The following EPHB1 variants were observed in gnomAD, a reference collection of about 807,000 sequenced individuals.
EPHB1 encodes the protein EPH receptor B1, also known as ephrin type-B receptor 1.
EPHB1 carries 30 observed loss-of-function variants against 94.4 expected under a neutral mutation model. The ratio of observed to expected loss-of-function variants is 0.32; its 90% CI spans 0.24 to 0.43. EPHB1 has a LOEUF of 0.43. Ranked by LOEUF, EPHB1 falls within the 20% of genes least tolerant of loss-of-function variation. The pLI is 1.00. For missense variants in EPHB1, 1,055 were observed against 1,308.3 expected (o/e 0.81, Z 2.99); for synonymous variants, 522 against 489.1 (o/e 1.07, Z -0.89).
At chr3:134,977,077 T>A (rs569643693) in intron 3 of EPHB1, among the ~76,000 whole-genome samples, 2 of 152,358 alleles carry the variant, frequency 1.3e-5, no homozygotes, top group Admixed American at 6.5e-5. Context: ...AGCTTCTCCA[T>A]CTGCATTTTC....
chr3:135,179,360 A>G (rs1055203713), intron 9 of EPHB1, among the ~76,000 whole-genome samples: 1 of 151,956 alleles, frequency 6.6e-6, no homozygotes, highest in Non-Finnish European at 1.5e-5. Context: ...TCTAACAGCA[A>G]TTTCTCTCTT....
chr3:135,103,586 A>C (rs959693438), intron 3 of EPHB1, among the ~76,000 whole-genome samples: 1 of 152,260 alleles, frequency 6.6e-6, no homozygotes, highest in Non-Finnish European at 1.5e-5. Context: ...TGAGAAATTT[A>C]CAGTTCTTTT....
Position 135,204,578 on chromosome 3 carries a change from G to T in EPHB1, c.2346+2889G>T, listed in dbSNP as rs377481597. On this transcript the variant is annotated intron_variant, in intron 12 of 15. Transcript: ENST00000398015. The stretch of plus-strand genomic sequence containing the variant: ...GGCAGTGGTGCGATCTCGGCTCATT[G>T]CAGCTTCCGCCTCCTGGGTTCAAGC... Among the ~76,000 whole-genome samples, 178 of 152,106 alleles carry T rather than the reference G, an allele frequency of 1.2e-3. 8 individuals are homozygous for T. In the South Asian group the frequency reaches 0.032, roughly 28 times the overall value.
chr3:134,844,385 G>A (rs571118298), intron 1 of EPHB1, among the ~76,000 whole-genome samples: 59 of 152,282 alleles, frequency 3.9e-4, no homozygotes, highest in Non-Finnish European at 6.3e-4. Flanking sequence ...ATAAGCAAGC[G>A]TAGCCTTAGG....
chr3:135,248,638 TGAG>T (rs1175860254), intron 14 of EPHB1, 129 bp downstream of exon 14: 2 of 827,438 alleles, frequency 2.4e-6, no homozygotes, highest in South Asian at 4.5e-5. Flanking sequence ...GGCCTTATGT[TGAG>T]GAGAGCAACA....
At chr3:135,154,094 G>T (rs2107695046) in intron 5 of EPHB1, 58 bp from the exon 6 acceptor site, 1 of 1,605,862 alleles carries the variant, frequency 6.2e-7, no homozygotes, top group Non-Finnish European at 8.5e-7. Context: ...CTGGAAGATG[G>T]CCCTTCCCCT....
At chr3:135,153,698 T>C (rs2291989) in intron 5 of EPHB1, among the ~76,000 whole-genome samples, 64,449 of 152,092 alleles carry the variant, frequency 0.42, 16,066 homozygotes, top group East Asian at 0.57. Flanking sequence ...AGTAATTCTA[T>C]ACCAACTGGT....
chr3:135,202,686 A>G (rs958790746), intron 12 of EPHB1, among the ~76,000 whole-genome samples: 6 of 152,252 alleles, frequency 3.9e-5, no homozygotes, highest in Admixed American at 6.5e-5. Context: ...AGGAAACGCC[A>G]ATTAGAATGG....
chr3:135,172,722 A>G (rs1307794418), intron 9 of EPHB1, among the ~76,000 whole-genome samples: 1 of 152,230 alleles, frequency 6.6e-6, no homozygotes, highest in African/African-American at 2.4e-5. Context: ...GAGGAGAGTA[A>G]ACGAAGTCTT....
intron 1 of EPHB1, among the ~76,000 whole-genome samples, chr3:134,829,889 G>T: frequency 1.3e-5 from 2 of 152,264 alleles, no homozygotes; most frequent in South Asian, 4.1e-4. Flanking sequence ...GTGAGCCAAA[G>T]AACACCAAAG....
At chr3:135,110,404 C>T (rs988629063) in intron 4 of EPHB1, among the ~76,000 whole-genome samples, 3 of 152,192 alleles carry the variant, frequency 2.0e-5, no homozygotes, top group Admixed American at 1.3e-4. Context: ...CGGGGTTTCC[C>T]TGGAGGCCAT....
intron 3 of EPHB1, among the ~76,000 whole-genome samples, chr3:134,958,050 C>T (rs542982830): frequency 3.7e-4 from 57 of 152,294 alleles, no homozygotes; most frequent in African/African-American, 1.3e-3. Flanking sequence ...GCTGTCCTCT[C>T]CTTCCTGGCT....
intron 12 of EPHB1, among the ~76,000 whole-genome samples, chr3:135,206,155 C>T (rs1942896336): frequency 6.6e-6 from 1 of 152,206 alleles, no homozygotes; most frequent in Non-Finnish European, 1.5e-5. Context: ...GTTGCTTTCA[C>T]TTGCATTATA....
Position 134,951,944 on chromosome 3 carries a change from G to A in EPHB1, c.697G>A (p.Asp233Asn). The change falls in exon 3 of 16, where the codon GAC becomes AAC. Residue 233 changes from aspartate to asparagine, a missense_variant. By Grantham distance (23) the Asp-to-Asn change is conservative (BLOSUM62 1). Coordinates refer to ENST00000398015, the MANE Select transcript of EPHB1 (RefSeq NM_004441.5). The surrounding 1 kb of genome is among the most constrained non-coding windows in gnomAD (Gnocchi z 4.5). ...ATGCATCCCCAACGCAGAGGAAGTG[G>A]ACGTGCCCATCAAACTCTACTGCAA... ...GTCIPNAEEV[D>N]VPIKLYCNGD... 4.3e-6 allele frequency: 7 copies of A among 1,614,030 alleles called. No homozygotes were observed. The highest frequency in any genetic ancestry group is 5.9e-6 in the Non-Finnish European group (7 of 1,179,906).
intron 3 of EPHB1, among the ~76,000 whole-genome samples, chr3:135,020,928 A>G (rs1234263607): frequency 1.3e-5 from 2 of 152,124 alleles, no homozygotes; most frequent in African/African-American, 4.8e-5. Context: ...CCAATAGTCA[A>G]TTGACGTAGT....
chr3:134,861,181 G>A (rs1027189835), intron 1 of EPHB1, among the ~76,000 whole-genome samples: 1 of 152,188 alleles, frequency 6.6e-6, no homozygotes, highest in African/African-American at 2.4e-5. Context: ...AGGCACATAT[G>A]TACAGAGTGA....
intron 12 of EPHB1, among the ~76,000 whole-genome samples, chr3:135,202,850 A>T (rs1012078046): frequency 2.6e-5 from 4 of 152,210 alleles, no homozygotes; most frequent in Non-Finnish European, 5.9e-5. Context: ...ATACCATTTG[A>T]CCGAGCAATC....
intron 11 of EPHB1, among the ~76,000 whole-genome samples, chr3:135,193,892 A>C (rs1942527741): frequency 1.3e-5 from 2 of 152,226 alleles, no homozygotes; most frequent in African/African-American, 4.8e-5. Flanking sequence ...AATTTGGGCC[A>C]GGTTTGGGAG....
At chr3:134,820,476 T>C (rs943191297) in intron 1 of EPHB1, among the ~76,000 whole-genome samples, 5 of 152,156 alleles carry the variant, frequency 3.3e-5, no homozygotes, top group African/African-American at 7.2e-5. Flanking sequence ...TGGCTGCCTT[T>C]ATGAAGAGAA....
Sources: allele counts gnomAD v4.1 joint callset (sites outside exome capture counted in the v4.1 genomes callset), GRCh38; gene constraint gnomAD v4.1.1; non-coding constraint Gnocchi (gnomAD v3.1); transcripts MANE v1.5; gene names NCBI Gene and HGNC (gene_info 2026-07-23, HGNC 2026-07-21).